RBFOX1: variants seen among roughly 807,000 people sequenced by gnomAD.
RBFOX1 encodes RNA binding fox-1 homolog 1.
Under a neutral mutation model 57.7 loss-of-function variants are expected in RBFOX1, and 8 were observed. The observed-to-expected ratio is 0.14, with a 90% confidence interval of 0.08 to 0.25. RBFOX1 has a LOEUF of 0.25. Among genes scored for constraint, RBFOX1 ranks in the 10% least tolerant of loss-of-function variants. The pLI is 1.00. For missense variants in RBFOX1, 611 were observed against 548.5 expected, an observed-to-expected ratio of 1.11 and a Z score of -1.14; for synonymous variants, 326 against 222.4, an observed-to-expected ratio of 1.47 and a Z score of -4.15.
intron 1 of RBFOX1, among the ~76,000 whole-genome samples, chr16:5,400,347 C>T (rs956997957): frequency 2.0e-5 from 3 of 152,280 alleles, no homozygotes; most frequent in East Asian, 3.9e-4. Context: ...CCCACCTTGG[C>T]CTCCCAAAGT....
chr16:6,475,979 T>G (rs1469285593), intron 2 of RBFOX1, among the ~76,000 whole-genome samples: 1 of 152,184 alleles, frequency 6.6e-6, no homozygotes, highest in Non-Finnish European at 1.5e-5. Flanking sequence ...TGCTGGAGTT[T>G]TCCAGAAATG....
intron 4 of RBFOX1, among the ~76,000 whole-genome samples, chr16:7,478,471 C>T (rs1384489591): frequency 6.6e-6 from 1 of 152,100 alleles, no homozygotes; most frequent in African/African-American, 2.4e-5. Context: ...CTTTAGTGTT[C>T]ACAGTAGGGG....
chr16:6,552,602 G>T (rs1044948842), intron 2 of RBFOX1, among the ~76,000 whole-genome samples: 1 of 152,094 alleles, frequency 6.6e-6, no homozygotes, highest in Non-Finnish European at 1.5e-5. Flanking sequence ...GAATTTTGAG[G>T]TTTGATTCAT....
At chr16:7,599,138 C>G (rs1165460070) in intron 9 of RBFOX1, among the ~76,000 whole-genome samples, 1 of 152,186 alleles carries the variant, frequency 6.6e-6, no homozygotes. Flanking sequence ...CTTTAAATGC[C>G]CAGTGCTGAA....
chr16:7,616,937 A>G (rs1160917440), intron 10 of RBFOX1, among the ~76,000 whole-genome samples: 2 of 152,016 alleles, frequency 1.3e-5, no homozygotes, highest in Non-Finnish European at 2.9e-5. Flanking sequence ...GAAAATGTGC[A>G]AGGTTTGAGA....
chr16:6,280,138 A>T (rs1049275836), intron 1 of RBFOX1, among the ~76,000 whole-genome samples: 5 of 152,252 alleles, frequency 3.3e-5, no homozygotes, highest in African/African-American at 1.2e-4. Context: ...ACTGATGGGA[A>T]AACTCAGAAG....
intron 3 of RBFOX1, among the ~76,000 whole-genome samples, chr16:6,923,028 C>T (rs1429902692): frequency 6.6e-6 from 1 of 152,122 alleles, no homozygotes; most frequent in East Asian, 1.9e-4. Context: ...ATAAGCAAAC[C>T]ATAGACAGTG....
chr16:7,015,652 T>C (rs968266655), intron 3 of RBFOX1, among the ~76,000 whole-genome samples: 5 of 152,298 alleles, frequency 3.3e-5, no homozygotes, highest in Non-Finnish European at 7.3e-5. Context: ...AAAGGCTCTT[T>C]TGAGCAAACA....
At chr16:5,854,480 G>C (rs911003951) in intron 3 of RBFOX1, among the ~76,000 whole-genome samples, 2 of 152,058 alleles carry the variant, frequency 1.3e-5, no homozygotes, top group African/African-American at 4.8e-5. Context: ...ATGTCCTCCA[G>C]CTTCCTCCAT....
intron 4 of RBFOX1, among the ~76,000 whole-genome samples, chr16:7,255,730 A>G (rs959027929): frequency 6.6e-6 from 1 of 152,238 alleles, no homozygotes; most frequent in Non-Finnish European, 1.5e-5. Context: ...AATAAATTTT[A>G]CTTAATATAT....
At chr16:6,621,247 G>C (rs1373452242) in intron 2 of RBFOX1, among the ~76,000 whole-genome samples, 1 of 152,162 alleles carries the variant, frequency 6.6e-6, no homozygotes, top group African/African-American at 2.4e-5. Flanking sequence ...GGATCACAAG[G>C]TCAGGAGATG....
chr16:6,957,047 G>A (rs907734450), intron 3 of RBFOX1, among the ~76,000 whole-genome samples: 13 of 139,732 alleles, frequency 9.3e-5, no homozygotes, highest in Admixed American at 2.7e-4. Flanking sequence ...ATATTCCATC[G>A]GCAGAGCAGC....
In RBFOX1 at chr16:6,739,303, C is replaced by T. The variant is rs1194982617; in HGVS notation, c.-16+84653C>T. On this transcript the variant is annotated intron_variant, in intron 3 of 15. Coordinates refer to ENST00000550418, the MANE Select transcript of RBFOX1 (RefSeq NM_018723.4). ...AGAAGGTGAGAATATTACTATAGAC[C>T]CTGCAGACATTAAAAGGATAATAAG... Among the ~76,000 whole-genome samples the T allele has an allele frequency of 2.8e-4, 42 of 151,322 alleles. 1 individual carries two copies.
chr16:7,273,761 A>T (rs779298431), intron 4 of RBFOX1, among the ~76,000 whole-genome samples: 42 of 152,290 alleles, frequency 2.8e-4, no homozygotes, highest in African/African-American at 9.4e-4. Context: ...AGTGGAGAAG[A>T]TATTTGCCAT....
chr16:7,371,967 T>G (rs756241678), intron 4 of RBFOX1, among the ~76,000 whole-genome samples: 1 of 145,800 alleles, frequency 6.9e-6, no homozygotes, highest in African/African-American at 2.7e-5. Flanking sequence ...CCTTAATTCC[T>G]TTTTTTTTCC....
chr16:7,050,644 G>A (rs1305531352), intron 3 of RBFOX1, among the ~76,000 whole-genome samples: 3 of 151,908 alleles, frequency 2.0e-5, no homozygotes, highest in East Asian at 1.9e-4. Flanking sequence ...TATTTCTGTG[G>A]TTTCTTTTCT....
intron 4 of RBFOX1, among the ~76,000 whole-genome samples, chr16:7,404,046 T>TTATTTTATTTTATTTTATTA (rs1246318668): frequency 6.7e-6 from 1 of 148,508 alleles, no homozygotes; most frequent in East Asian, 2.0e-4. Flanking sequence ...TTATTTTATT[T>TTATTTTATTTTATTTTATTA]TATTTTATTT....
chr16:6,399,662 A>G (rs2092989153), intron 2 of RBFOX1, among the ~76,000 whole-genome samples: 1 of 152,152 alleles, frequency 6.6e-6, no homozygotes, highest in Non-Finnish European at 1.5e-5. Flanking sequence ...AGTCACTTCC[A>G]CATTTTTGGG....
At chr16:7,489,408 G>A (rs1053034135) in intron 4 of RBFOX1, among the ~76,000 whole-genome samples, 1 of 152,124 alleles carries the variant, frequency 6.6e-6, no homozygotes, top group South Asian at 2.1e-4. Flanking sequence ...AGTACTTTAT[G>A]TATTAATCCC....
Sources: gnomAD v4.1 joint callset for allele counts (sites outside exome capture counted in the v4.1 genomes callset) on GRCh38, gnomAD v4.1.1 for gene constraint, MANE v1.5 for transcripts, NCBI Gene and HGNC (gene_info 2026-07-23, HGNC 2026-07-21) for gene names.